Variants in STX11 observed in about 807,000 individuals in gnomAD.
The protein encoded by STX11 is syntaxin-11.
In STX11, 21 loss-of-function variants were observed where a neutral mutation model predicts 19.9. The observed-to-expected ratio is 1.06, with a 90% CI of 0.75 to 1.52. The LOEUF (loss-of-function observed/expected upper bound fraction) is 1.52. Ranked by LOEUF, STX11 falls within the 40% of genes most tolerant of loss-of-function variation. The probability of loss-of-function intolerance (pLI) is 0.00; values close to 1 mark genes in which losing one functional copy is unlikely to be tolerated. For synonymous variants in STX11, 193 were observed against 174.4 expected, an observed-to-expected ratio of 1.11 and a Z score of -0.84; for missense variants, 438 against 405.9, an observed-to-expected ratio of 1.08 and a Z score of -0.68.
chr6:144,146,364 T>G (rs1266931048), upstream of STX11, among the ~76,000 whole-genome samples: 1 of 152,304 alleles, frequency 6.6e-6, no homozygotes, highest in Admixed American at 6.5e-5. This position sits in a 1 kb window ranked among gnomAD's most constrained non-coding sequence, Gnocchi z 4.4. Flanking sequence ...CCAGAGAAAT[T>G]TATAAAACAA....
intron 1 of STX11, 136 bp from the exon 2 acceptor site, chr6:144,186,487 T>A (rs1802036946): frequency 9.9e-7 from 1 of 1,007,248 alleles, no homozygotes; most frequent in Non-Finnish European, 1.5e-6. Flanking sequence ...AACATTTAGC[T>A]CCTTTAGTGC....
At chr6:144,149,430 C>G (rs550582620), upstream of STX11, among the ~76,000 whole-genome samples, 2 of 152,138 alleles carry the variant, frequency 1.3e-5, no homozygotes, top group South Asian at 4.1e-4. The surrounding 1 kb of genome is among the most constrained non-coding windows in gnomAD (Gnocchi z 5.1). Flanking sequence ...GTTCCTGTGT[C>G]TAAACATTCT....
In STX11 at chr6:144,182,417, T is replaced by C. The variant is rs1194328684; in HGVS notation, c.-5-4206T>C. On this transcript the variant is annotated intron_variant, in intron 1 of 1. Coordinates refer to ENST00000367568, the MANE Select transcript of STX11 (RefSeq NM_003764.4). The surrounding 1 kb of genome is among the most constrained non-coding windows in gnomAD (Gnocchi z 4.8). ...AAGGCCAGGTGAAGGCCCCCTTCCC[T>C]CCTTTACCACACCTCAATAGAGAAT... Among the ~76,000 whole-genome samples, 1 of 152,222 alleles carries C rather than the reference T, an allele frequency of 6.6e-6. No homozygotes were observed. Among genetic ancestry groups the C allele is most frequent in the African/African-American group, 2.4e-5 (1 of 41,450 alleles).
rs1484829324 is a variant in STX11, at chr6:144,154,582, A to G, written c.-6+3879A>G. 6.6e-6 allele frequency among the ~76,000 whole-genome samples: 1 copy of G among 152,230 alleles called. No individual in the cohort carries two copies. The highest frequency in any genetic ancestry group is 1.5e-5 in the Non-Finnish European group (1 of 68,048). On this transcript the variant is annotated intron_variant, in intron 1 of 1. Transcript: ENST00000367568. This position sits in a 1 kb window ranked among gnomAD's most constrained non-coding sequence, Gnocchi z 4.7. ...ATGTTTTGTTGCTAAGATTTTCCATAGGGAAGCAGAAAGGCTAGCAAGGGA... is the reference window on the plus strand; with the variant it reads ...ATGTTTTGTTGCTAAGATTTTCCATGGGGAAGCAGAAAGGCTAGCAAGGGA...
chr6:144,180,307 A>G lies in STX11; in HGVS notation c.-5-6316A>G, dbSNP rs1339378875. Among the ~76,000 whole-genome samples, 1 of 152,174 alleles carries G rather than the reference A, an allele frequency of 6.6e-6. No individual in the cohort carries two copies. Among genetic ancestry groups the G allele is most frequent in the Admixed American group, 6.5e-5 (1 of 15,274 alleles). ...ATTCCCTTAGAGGCATGTTGGGAACAATGACTTTCACAATTGTTCTTTGTA... is the reference window on the plus strand; with the variant it reads ...ATTCCCTTAGAGGCATGTTGGGAACGATGACTTTCACAATTGTTCTTTGTA... On this transcript the variant is annotated intron_variant, in intron 1 of 1. Coordinates refer to ENST00000367568, the MANE Select transcript of STX11 (RefSeq NM_003764.4). The surrounding 1 kb of genome is among the most constrained non-coding windows in gnomAD (Gnocchi z 5.3).
At position 144,165,338 on chromosome 6, in the gene STX11, C is replaced by T. The variant is rs1801449410; in HGVS notation, c.-6+14635C>T. ...GGCGTGGTGGTGCATGTCTGTAATC[C>T]CAGCTACTCGGGAGACTGAGGCAGG... On this transcript the variant is annotated intron_variant, in intron 1 of 1. Coordinates refer to ENST00000367568, the MANE Select transcript of STX11 (RefSeq NM_003764.4). The surrounding 1 kb of genome is among the most constrained non-coding windows in gnomAD (Gnocchi z 5.8). Among the ~76,000 whole-genome samples the T allele has an allele frequency of 6.6e-6, 1 of 151,998 alleles. No individual in the cohort carries two copies. Among genetic ancestry groups the T allele is most frequent in the East Asian group, 1.9e-4 (1 of 5,160 alleles).
intron 1 of STX11, among the ~76,000 whole-genome samples, chr6:144,185,290 C>T (rs1018725323): frequency 6.6e-6 from 1 of 152,160 alleles, no homozygotes; most frequent in African/African-American, 2.4e-5. Context: ...TTAATTACTT[C>T]AACTTGAAAG....
At position 144,159,148 on chromosome 6, in the gene STX11, G is replaced by A. The variant is rs530896545; in HGVS notation, c.-6+8445G>A. 3.3e-5 allele frequency among the ~76,000 whole-genome samples: 5 copies of A among 152,232 alleles called. No individual in the cohort carries two copies. Among genetic ancestry groups the A allele is most frequent in the Middle Eastern group, 3.4e-3 (1 of 294 alleles). On this transcript the variant is annotated intron_variant, in intron 1 of 1. Coordinates refer to ENST00000367568, the MANE Select transcript of STX11 (RefSeq NM_003764.4). This position sits in a 1 kb window ranked among gnomAD's most constrained non-coding sequence, Gnocchi z 4.3. ...ATCAAAAATGAGTGAAAAAAATAAC[G>A]ATTCTGGTGAGCGTATTTATTCAAC...
chr6:144,151,120 A>G lies in STX11; in HGVS notation c.-6+417A>G. 4.3e-6 allele frequency: 2 copies of G among 460,742 alleles called. No individual in the cohort carries two copies. The highest frequency in any genetic ancestry group is 5.7e-6 in the Non-Finnish European group (2 of 350,650). The allele number at this position is 460,742 out of a possible 1,614,324, so 28.5% of individuals were successfully genotyped here. On this transcript the variant is annotated intron_variant, in intron 1 of 1. Transcript: ENST00000367568. The surrounding 1 kb of genome is among the most constrained non-coding windows in gnomAD (Gnocchi z 4.6). ...GTAGGGTGACTGTGTCAAAAACACC[A>G]GAATGGGTACTTCTTGACTTGAACT...
intron 1 of STX11, among the ~76,000 whole-genome samples, chr6:144,179,230 GA>G (rs1801845596): frequency 6.6e-6 from 1 of 152,180 alleles, no homozygotes; most frequent in East Asian, 1.9e-4. Context: ...CAGCATGGGG[GA>G]AACCGCCCCC....
At chr6:144,163,298 C>T (rs1403178131) in intron 1 of STX11, among the ~76,000 whole-genome samples, 4 of 152,034 alleles carry the variant, frequency 2.6e-5, no homozygotes, top group Admixed American at 2.6e-4. Context: ...ATGGGCTAGG[C>T]GTCATGGCTT....
chr6:144,173,512 T>C (rs1303918232), intron 1 of STX11, among the ~76,000 whole-genome samples: 1 of 152,238 alleles, frequency 6.6e-6, no homozygotes, highest in East Asian at 1.9e-4. Flanking sequence ...TATTTTCCTA[T>C]CTTGTGAGTT....
chr6:144,147,985 A>G (rs1405157460), upstream of STX11, among the ~76,000 whole-genome samples: 1 of 152,166 alleles, frequency 6.6e-6, no homozygotes, highest in Non-Finnish European at 1.5e-5. The surrounding 1 kb of genome is among the most constrained non-coding windows in gnomAD (Gnocchi z 4.2). Flanking sequence ...TGGGCACCCC[A>G]TGGTCCAATA....
chr6:144,157,677 G>C (rs1801208708), intron 1 of STX11, among the ~76,000 whole-genome samples: 2 of 152,134 alleles, frequency 1.3e-5, no homozygotes. Context: ...GTAGGCCGTG[G>C]TGAGGGCAGT....
Position 144,172,884 on chromosome 6 carries a change from TAA to T in STX11, c.-5-13728_-5-13727del, listed in dbSNP as rs58005170. On this transcript the variant is annotated intron_variant, in intron 1 of 1. Transcript: ENST00000367568. The surrounding 1 kb of genome is among the most constrained non-coding windows in gnomAD (Gnocchi z 4.2). ...GGATAACAAAAGTAGACACCCCATT[TAA>T]AAAAAAAAAAGAGCCATTAACAGGA... is the stretch of plus-strand genomic sequence containing the variant. Among the ~76,000 whole-genome samples, 10 of 144,764 alleles carry T rather than the reference TAA, an allele frequency of 6.9e-5. No homozygotes were observed. Among genetic ancestry groups the T allele is most frequent in the South Asian group, 2.2e-4 (1 of 4,626 alleles). 95.0% of individuals were successfully genotyped at this position (144,764 alleles called of 152,430 possible). A position where few individuals can be genotyped will look rare whatever the true frequency, so the allele number is the denominator to read the frequency against.
chr6:144,178,942 GTTTCCCTCTGT>G (rs1479192314), intron 1 of STX11, among the ~76,000 whole-genome samples: 1 of 151,908 alleles, frequency 6.6e-6, no homozygotes, highest in East Asian at 1.9e-4. Context: ...AAAGAATAGT[GTTTCCCTCTGT>G]ATTAGTCTGT....
Position 144,155,962 on chromosome 6 carries a change from CTTT to C in STX11, c.-6+5260_-6+5262del, listed in dbSNP as rs1801130756. Among the ~76,000 whole-genome samples the C allele has an allele frequency of 8.3e-6, 1 of 120,300 alleles. No homozygotes were observed. The highest frequency in any genetic ancestry group is 8.0e-5 in the Admixed American group (1 of 12,578). The allele number at this position is 120,300 out of a possible 152,430, so 78.9% of individuals were successfully genotyped here. ...TTAATCTTTCTTTCTTTCTTTCTTTCTTTCTTTCTTTCTTTCTTTCTTTCTTTC... is the reference window on the plus strand; with the variant it reads ...TTAATCTTTCTTTCTTTCTTTCTTTCCTTTCTTTCTTTCTTTCTTTCTTTC... On this transcript the variant is annotated intron_variant, in intron 1 of 1. Transcript: ENST00000367568. The surrounding 1 kb of genome is among the most constrained non-coding windows in gnomAD (Gnocchi z 4.5).
rs367727674 is a variant in STX11 at position 144,187,533 on chromosome 6, G to A, written c.*42G>A. The A allele has an allele frequency of 2.9e-5, 46 of 1,611,042 alleles. No individual in the cohort carries two copies. In the African/African-American group the frequency reaches 4.8e-4, roughly 17 times the overall value. On this transcript the variant is annotated 3_prime_UTR_variant, in exon 2 of 2. Transcript: ENST00000367568. This position sits in a 1 kb window ranked among gnomAD's most constrained non-coding sequence, Gnocchi z 5.6. The stretch of plus-strand genomic sequence containing the variant: ...GCCACCGCCCATCCCAGACCATGGA[G>A]CGCGCTGGGAAGGACGCACCAAAGC...
chr6:144,186,648 A>G lies in STX11; in HGVS notation c.21A>G (p.Glu7=). ...GCAAAATGAAAGACCGGCTAGCAGAACTTCTGGACTTGTCCAAGCAATATG... is the reference window on the plus strand; with the variant it reads ...GCAAAATGAAAGACCGGCTAGCAGAGCTTCTGGACTTGTCCAAGCAATATG... The part of the protein sequence containing the change: MKDRLA[E]LLDLSKQYDQ... The change falls in exon 2 of 2, where the codon GAA becomes GAG. Residue 7 remains glutamate (E), a synonymous_variant. Coordinates refer to ENST00000367568, the MANE Select transcript of STX11 (RefSeq NM_003764.4). 6.2e-7 allele frequency: 1 copy of G among 1,614,136 alleles called. No individual in the cohort carries two copies. The highest frequency in any genetic ancestry group is 8.5e-7 in the Non-Finnish European group (1 of 1,180,040).
Sources: gnomAD v4.1 joint callset for allele counts (sites outside exome capture counted in the v4.1 genomes callset) on GRCh38, gnomAD v4.1.1 for gene constraint, Gnocchi (gnomAD v3.1) non-coding constraint, MANE v1.5 for transcripts, NCBI Gene and HGNC (gene_info 2026-07-23, HGNC 2026-07-21) for gene names.